Variants in LRP1B observed in about 807,000 individuals in gnomAD.
LRP1B encodes LDL receptor related protein 1B.
In LRP1B, 217 loss-of-function variants were observed where a neutral mutation model predicts 556.6. The observed-to-expected ratio is 0.39, with a 90% CI of 0.35 to 0.44. The LOEUF (loss-of-function observed/expected upper bound fraction) is 0.44, where lower values mean the gene tolerates loss of function less well. Ranked by LOEUF, LRP1B falls within the 20% of genes least tolerant of loss-of-function variation. The probability of loss-of-function intolerance (pLI) is 1.00; values close to 1 mark genes in which losing one functional copy is unlikely to be tolerated. For missense variants in LRP1B, 5,053 were observed against 5,620.8 expected, an observed-to-expected ratio of 0.90 and a Z score of 3.23; for synonymous variants, 2,047 against 1,865.8, an observed-to-expected ratio of 1.10 and a Z score of -2.50.
intron 3 of LRP1B, among the ~76,000 whole-genome samples, chr2:141,471,577 C>T (rs765925675): frequency 1.6e-4 from 25 of 152,126 alleles, no homozygotes; most frequent in Non-Finnish European, 3.1e-4. Context: ...AGATGCCTGT[C>T]AACCATCAGC....
intron 11 of LRP1B, among the ~76,000 whole-genome samples, chr2:141,046,745 A>T (rs1698881844): frequency 6.6e-6 from 1 of 152,042 alleles, no homozygotes; most frequent in African/African-American, 2.4e-5. Flanking sequence ...ACACAGTTTA[A>T]AAGGAAACCA....
intron 35 of LRP1B, among the ~76,000 whole-genome samples, chr2:140,763,392 G>C (rs1242889654): frequency 6.6e-6 from 1 of 151,988 alleles, no homozygotes; most frequent in South Asian, 2.1e-4. Flanking sequence ...AACTCAGGCA[G>C]GGAAAAAGAA....
At chr2:140,601,018 G>A (rs1682645211) in intron 42 of LRP1B, among the ~76,000 whole-genome samples, 1 of 150,638 alleles carries the variant, frequency 6.6e-6, no homozygotes, top group African/African-American at 2.4e-5. Flanking sequence ...TTGTATGGTT[G>A]CAGTTTGCTT....
At chr2:141,410,755 A>G (rs1372836962) in intron 3 of LRP1B, among the ~76,000 whole-genome samples, 1 of 152,084 alleles carries the variant, frequency 6.6e-6, no homozygotes, top group Admixed American at 6.5e-5. Flanking sequence ...TGTTTAAAAT[A>G]GAAGACACCA....
At chr2:142,092,166 C>T (rs1010015139) in intron 1 of LRP1B, among the ~76,000 whole-genome samples, 1 of 152,148 alleles carries the variant, frequency 6.6e-6, no homozygotes, top group South Asian at 2.1e-4. Flanking sequence ...TTGCTTATGG[C>T]ATGGTGAATA....
chr2:141,061,254 A>G (rs982448651), intron 8 of LRP1B, among the ~76,000 whole-genome samples: 3 of 151,796 alleles, frequency 2.0e-5, no homozygotes, highest in Admixed American at 6.6e-5. Context: ...TTCATTTTAA[A>G]AGCTGATTAG....
At chr2:140,748,784 A>ATATATATC (rs1559094627) in intron 35 of LRP1B, among the ~76,000 whole-genome samples, 7,159 of 42,484 alleles carry the variant, frequency 0.17, 1,130 homozygotes, top group South Asian at 0.25. Context: ...ATATGTATAT[A>ATATATATC]ATATATATTA....
intron 32 of LRP1B, among the ~76,000 whole-genome samples, chr2:140,800,967 A>G (rs1559127072): frequency 6.6e-6 from 1 of 152,136 alleles, no homozygotes; most frequent in Non-Finnish European, 1.5e-5. Context: ...ATTTATGGCC[A>G]TGGTCATTTT....
chr2:140,241,904 A>G (rs891442310), intron 87 of LRP1B, among the ~76,000 whole-genome samples: 1 of 151,004 alleles, frequency 6.6e-6, no homozygotes, highest in Admixed American at 6.6e-5. Flanking sequence ...TTAGAAACTG[A>G]AAAACATAGA....
intron 7 of LRP1B, among the ~76,000 whole-genome samples, chr2:141,072,614 C>T (rs1276571034): frequency 6.6e-6 from 1 of 151,960 alleles, no homozygotes. Flanking sequence ...GGTACTCCCT[C>T]TGCAACACTT....
intron 51 of LRP1B, among the ~76,000 whole-genome samples, chr2:140,511,416 C>A (rs1335385065): frequency 6.6e-6 from 1 of 151,674 alleles, no homozygotes; most frequent in Non-Finnish European, 1.5e-5. Context: ...ATTCTCCCGC[C>A]TCAGCCTCCG....
intron 46 of LRP1B, 43 bp from the exon 47 acceptor site, chr2:140,534,183 A>G: frequency 6.5e-7 from 1 of 1,547,786 alleles, no homozygotes; most frequent in Non-Finnish European, 8.8e-7. Flanking sequence ...GATCATATAG[A>G]AATATTTGTA....
Position 140,871,688 on chromosome 2 carries a change from C to T in LRP1B, c.4170-3425G>A, listed in dbSNP as rs139333571. Among the ~76,000 whole-genome samples, 874 of 152,152 alleles carry T rather than the reference C, an allele frequency of 5.7e-3. 10 individuals carry two copies. The highest frequency in any genetic ancestry group is 0.02 in the African/African-American group (823 of 41,524). On this transcript the variant is annotated intron_variant, in intron 25 of 90. Coordinates refer to ENST00000389484, the MANE Select transcript of LRP1B (RefSeq NM_018557.3). ...TTTTTTATTTTGACTACTATAGGGGCTTTATTTACATAACAAGGCCAACAT... is the reference window on the plus strand; with the variant it reads ...TTTTTTATTTTGACTACTATAGGGGTTTTATTTACATAACAAGGCCAACAT...
intron 2 of LRP1B, among the ~76,000 whole-genome samples, chr2:141,697,089 A>G (rs1691758588): frequency 6.6e-6 from 1 of 151,936 alleles, no homozygotes; most frequent in South Asian, 2.1e-4. Context: ...ACATGTTTAA[A>G]CATAACACAT....
intron 66 of LRP1B, among the ~76,000 whole-genome samples, chr2:140,426,985 C>T (rs1211380100): frequency 1.3e-5 from 2 of 152,060 alleles, no homozygotes; most frequent in Non-Finnish European, 2.9e-5. Context: ...CTCCAACCTC[C>T]CTCACTATCC....
intron 1 of LRP1B, among the ~76,000 whole-genome samples, chr2:142,037,448 A>C (rs1366054056): frequency 6.6e-6 from 1 of 151,648 alleles, no homozygotes; most frequent in African/African-American, 2.4e-5. Flanking sequence ...TAATAAGTTT[A>C]TAGGGAGAGA....
At chr2:141,862,453 C>A (rs998525426) in intron 1 of LRP1B, among the ~76,000 whole-genome samples, 1 of 152,132 alleles carries the variant, frequency 6.6e-6, no homozygotes, top group African/African-American at 2.4e-5. Flanking sequence ...TTGCCCAGAG[C>A]TGGAGTATAA....
intron 2 of LRP1B, among the ~76,000 whole-genome samples, chr2:141,539,210 T>C (rs927242510): frequency 2.9e-5 from 2 of 69,166 alleles, no homozygotes; most frequent in Admixed American, 1.6e-4. Flanking sequence ...GAAGTTATTA[T>C]CATAGATTTA....
chr2:141,605,745 T>C (rs771283477), intron 2 of LRP1B, among the ~76,000 whole-genome samples: 2 of 152,202 alleles, frequency 1.3e-5, no homozygotes, highest in Admixed American at 6.5e-5. Context: ...AAAGGTCACC[T>C]CAGCCACAAA....
Sources: gnomAD v4.1 joint callset for allele counts (sites outside exome capture counted in the v4.1 genomes callset) on GRCh38, gnomAD v4.1.1 for gene constraint, MANE v1.5 for transcripts, NCBI Gene and HGNC (gene_info 2026-07-23, HGNC 2026-07-21) for gene names.